The following TM9SF2 variants were observed in gnomAD, a reference collection of about 807,000 sequenced individuals.
TM9SF2 encodes 76 kDa membrane protein.
TM9SF2 carries 13 observed loss-of-function variants against 84.9 expected under a neutral mutation model. That is an observed-to-expected ratio of 0.15 (90% CI 0.10 to 0.24). The LOEUF is 0.24. Among genes scored for constraint, TM9SF2 ranks in the 10% least tolerant of loss-of-function variants. TM9SF2 has a pLI of 1.00. For synonymous variants in TM9SF2, 273 were observed against 285.8 expected, an observed-to-expected ratio of 0.96 and a Z score of 0.45; for missense variants, 562 against 818.5, an observed-to-expected ratio of 0.69 and a Z score of 3.82.
chr13:99,513,195 T>A (rs1211685885), intron 1 of TM9SF2, among the ~76,000 whole-genome samples: 3 of 152,200 alleles, frequency 2.0e-5, no homozygotes, highest in Admixed American at 2.0e-4. Context: ...AACAGTGTTA[T>A]TCTATACTTA....
At chr13:99,509,824 A>G (rs2046105542) in intron 1 of TM9SF2, among the ~76,000 whole-genome samples, 1 of 152,204 alleles carries the variant, frequency 6.6e-6, no homozygotes. Flanking sequence ...CGGTTGCCCC[A>G]CAGCCTGCTT....
In TM9SF2 at chr13:99,536,722, T is replaced by C; in HGVS notation, c.576T>C (p.Asp192=). 6.2e-7 allele frequency: 1 copy of C among 1,613,600 alleles called. No individual in the cohort carries two copies. Among genetic ancestry groups the C allele is most frequent in the Non-Finnish European group, 8.5e-7 (1 of 1,179,666 alleles). Residue 192 remains aspartate, a synonymous_variant, in exon 5 of 17, where the codon GAT becomes GAC. Transcript: ENST00000376387. The part of the protein sequence containing the change: ...CYITDKGHAK[D]ACVISSDFHE... ...TTACAGATAAAGGCCATGCAAAAGA[T>C]GCCTGTGTTATTAGTGTAAGTTCAT...
intron 3 of TM9SF2, among the ~76,000 whole-genome samples, chr13:99,522,976 A>G (rs1451815138): frequency 6.6e-6 from 1 of 152,142 alleles, no homozygotes; most frequent in African/African-American, 2.4e-5. Context: ...TGTGTACCCA[A>G]CATTTTCCCT....
chr13:99,519,333 T>C (rs1433518936), intron 2 of TM9SF2, among the ~76,000 whole-genome samples: 1 of 152,074 alleles, frequency 6.6e-6, no homozygotes, highest in Non-Finnish European at 1.5e-5. Flanking sequence ...CACCTTCCTC[T>C]TTAGGAATCT....
chr13:99,559,193 T>C (rs567048925), intron 15 of TM9SF2, among the ~76,000 whole-genome samples, 170 bp from the exon 16 acceptor site: 53 of 152,314 alleles, frequency 3.5e-4, no homozygotes, highest in Non-Finnish European at 6.0e-4. Flanking sequence ...TTAGCACCTT[T>C]AGTGAGGAGA....
intron 1 of TM9SF2, among the ~76,000 whole-genome samples, chr13:99,516,237 C>G (rs1594046838): frequency 2.0e-5 from 3 of 152,240 alleles, no homozygotes; most frequent in Middle Eastern, 3.4e-3. Context: ...TGGCAGTGGA[C>G]TATTGATTTG....
chr13:99,539,400 A>G, intron 6 of TM9SF2, 46 bp from the exon 7 acceptor site: 1 of 1,199,456 alleles, frequency 8.3e-7, no homozygotes, highest in Non-Finnish European at 1.2e-6. Flanking sequence ...TCATTTTTAA[A>G]AAGTTGTACT....
At chr13:99,552,563 A>C (rs1243759808) in intron 13 of TM9SF2, among the ~76,000 whole-genome samples, 4 of 152,124 alleles carry the variant, frequency 2.6e-5, no homozygotes, top group African/African-American at 9.6e-5. Context: ...ATTAATTGGG[A>C]AAGAAATGCT....
chr13:99,518,122 A>AT (rs1032998340), intron 2 of TM9SF2, among the ~76,000 whole-genome samples: 1 of 151,878 alleles, frequency 6.6e-6, no homozygotes, highest in African/African-American at 2.4e-5. Flanking sequence ...TTTTATTTTT[A>AT]TTTTTTTGAG....
chr13:99,530,178 C>A (rs1479925903), intron 4 of TM9SF2, among the ~76,000 whole-genome samples: 1 of 152,074 alleles, frequency 6.6e-6, no homozygotes, highest in Non-Finnish European at 1.5e-5. Flanking sequence ...GTAATCCCAG[C>A]ACTTGGGAGG....
chr13:99,554,468 T>C lies in TM9SF2; in HGVS notation c.1640+13T>C, dbSNP rs1413895881. The C allele has an allele frequency of 6.2e-7, 1 of 1,612,406 alleles. No individual in the cohort carries two copies. Among genetic ancestry groups the C allele is most frequent in the East Asian group, 2.2e-5 (1 of 44,838 alleles). ...TGAATAGTATTTGGTAAGCTAAGGA[T>C]AAAGTCCTCTCATTCTCATTACCAT... On this transcript the variant is annotated intron_variant, in intron 14 of 16. Transcript: ENST00000376387.
intron 3 of TM9SF2, among the ~76,000 whole-genome samples, chr13:99,527,535 C>T (rs758864627): frequency 6.6e-6 from 1 of 152,206 alleles, no homozygotes; most frequent in Non-Finnish European, 1.5e-5. Context: ...TCACCTCCCA[C>T]GAGGTCCCTC....
chr13:99,537,858 G>A lies in TM9SF2; in HGVS notation c.711G>A (p.Pro237=), dbSNP rs7323836. Residue 237 remains proline (P), a synonymous_variant, in exon 6 of 17, where the codon CCG becomes CCA. Transcript: ENST00000376387. ...GATTAGTGGCTGCTAAACTTGAACCGAAAAGGTAATTATATTAATGATAAA... is the reference window on the plus strand; with the variant it reads ...GATTAGTGGCTGCTAAACTTGAACCAAAAAGGTAATTATATTAATGATAAA... ...GARLVAAKLE[P]KSFKHTHIDK... is the part of the protein sequence containing the mutation. The A allele has an allele frequency of 2.7e-4, 431 of 1,602,000 alleles. 1 individual carries two copies. Among genetic ancestry groups the A allele is most frequent in the African/African-American group, 1.5e-3 (112 of 74,338 alleles).
chr13:99,557,867 C>T (rs914842419), intron 15 of TM9SF2, among the ~76,000 whole-genome samples: 18 of 148,980 alleles, frequency 1.2e-4, no homozygotes, highest in Admixed American at 2.7e-4. Context: ...CTGTCTCCTA[C>T]CCCACCCCCG....
intron 4 of TM9SF2, among the ~76,000 whole-genome samples, chr13:99,533,442 C>T (rs1269314205): frequency 6.6e-6 from 1 of 152,122 alleles, no homozygotes; most frequent in Non-Finnish European, 1.5e-5. Flanking sequence ...GCAACTTGCT[C>T]ATTTTATTTA....
intron 10 of TM9SF2, among the ~76,000 whole-genome samples, chr13:99,545,591 G>A (rs1398080851): frequency 1.3e-5 from 2 of 150,916 alleles, no homozygotes; most frequent in African/African-American, 2.4e-5. Context: ...TTTTTGAGAC[G>A]GAGCCTCGCT....
rs148842919 is a variant in TM9SF2, at chr13:99,521,763, G to A, written c.333+1634G>A. On this transcript the variant is annotated intron_variant, in intron 3 of 16. Coordinates refer to ENST00000376387, the MANE Select transcript of TM9SF2 (RefSeq NM_004800.3). ...GCTCTGTCACCCAGGCTGGAGTGACGTGGCACAATCATAGGTTACTGCAGC... is the reference window on the plus strand; with the variant it reads ...GCTCTGTCACCCAGGCTGGAGTGACATGGCACAATCATAGGTTACTGCAGC... Among the ~76,000 whole-genome samples the A allele has an allele frequency of 1.4e-4, 22 of 151,954 alleles. No homozygotes were observed. The East Asian group carries it at 3.3e-3, about 23-fold the overall frequency.
rs1410055182 is a variant in TM9SF2, at chr13:99,516,078, C to T, written c.172-1536C>T. Among the ~76,000 whole-genome samples, 3 of 151,906 alleles carry T rather than the reference C, an allele frequency of 2.0e-5. No homozygotes were observed. The East Asian group carries it at 5.8e-4, about 29-fold the overall frequency. On this transcript the variant is annotated intron_variant, in intron 1 of 16. Coordinates refer to ENST00000376387, the MANE Select transcript of TM9SF2 (RefSeq NM_004800.3). Reference sequence around the variant, plus strand: ...TTTGCAGTTAAGGAAACTGAAGCACCCATGAAGCACATTTGACCCATGTGG... The same window carrying T: ...TTTGCAGTTAAGGAAACTGAAGCACTCATGAAGCACATTTGACCCATGTGG...
chr13:99,524,036 AAGATAGAGCAT>A (rs2046171467), intron 3 of TM9SF2, among the ~76,000 whole-genome samples: 1 of 152,190 alleles, frequency 6.6e-6, no homozygotes, highest in South Asian at 2.1e-4. Context: ...GCAGGTGAGC[AAGATAGAGCAT>A]AGTAGGCAGT....
Sources: gnomAD v4.1 joint callset for allele counts (sites outside exome capture counted in the v4.1 genomes callset) on GRCh38, gnomAD v4.1.1 for gene constraint, MANE v1.5 for transcripts, NCBI Gene and HGNC (gene_info 2026-07-23, HGNC 2026-07-21) for gene names.